UNC93A: variants seen among roughly 807,000 people sequenced by gnomAD.
UNC93A encodes N-acetylglucosamine transporter UNC93A.
A neutral mutation model predicts 47.5 loss-of-function variants in UNC93A; 43 were observed. The ratio of observed to expected loss-of-function variants is 0.91; its 90% CI spans 0.71 to 1.17. UNC93A has a LOEUF of 1.17. Among genes scored for constraint, UNC93A ranks in the 50% most tolerant of loss-of-function variants. The pLI is 0.00. For synonymous variants in UNC93A, 280 were observed against 258.0 expected (o/e 1.09, Z -0.82); for missense variants, 605 against 577.6 (o/e 1.05, Z -0.49).
intron 7 of UNC93A, among the ~76,000 whole-genome samples, chr6:167,312,535 T>TAC (rs1778588094): frequency 6.6e-6 from 1 of 152,240 alleles, no homozygotes; most frequent in Non-Finnish European, 1.5e-5. Flanking sequence ...CTCTACACTT[T>TAC]GGGTCACCAT....
chr6:167,278,575 T>G (rs1203890742), intron 1 of UNC93A, among the ~76,000 whole-genome samples: 2 of 152,222 alleles, frequency 1.3e-5, no homozygotes, highest in Non-Finnish European at 2.9e-5. Context: ...CAGGGTTATC[T>G]GACAAGCAAG....
intron 1 of UNC93A, among the ~76,000 whole-genome samples, chr6:167,277,661 ATCTCTCTGTCTCTTTCTCTTTCTGTC>A (rs369317890): frequency 0.054 from 7,579 of 141,114 alleles, 341 homozygotes; most frequent in African/African-American, 0.13. Context: ...CTGTCTCTCT[ATCTCTCTGTCTCTTTCTCTTTCTGTC>A]TCTCTCTGTC....
At chr6:167,298,245 C>A in intron 4 of UNC93A, 175 bp downstream of exon 4, 2 of 1,018,120 alleles carry the variant, frequency 2.0e-6, no homozygotes, top group Non-Finnish European at 2.7e-6. Context: ...GAATCAAATG[C>A]AGTACACCCG....
At chr6:167,274,851 G>T (rs1378872049) in intron 1 of UNC93A, among the ~76,000 whole-genome samples, 1 of 142,108 alleles carries the variant, frequency 7.0e-6, no homozygotes, top group Non-Finnish European at 1.6e-5. Flanking sequence ...ACTTCTGCAA[G>T]GTCCAAGCTC....
At position 167,276,543 on chromosome 6, in the gene UNC93A, G is replaced by A. The variant is rs116768236; in HGVS notation, c.-52+5085G>A. On this transcript the variant is annotated intron_variant, in intron 1 of 3. Transcript: ENST00000503433. ...TTAGGGGCAAGAGATGTGAGACCCC[G>A]GCAGTTTAGGTGACCTGCTCGAGGA... is the stretch of plus-strand genomic sequence containing the variant. 2.1e-3 allele frequency among the ~76,000 whole-genome samples: 321 copies of A among 152,224 alleles called. 2 individuals carry two copies. The highest frequency in any genetic ancestry group is 6.7e-3 in the African/African-American group (278 of 41,514).
intron 2 of UNC93A, among the ~76,000 whole-genome samples, chr6:167,295,255 T>C (rs1163159489): frequency 6.6e-6 from 1 of 152,196 alleles, no homozygotes; most frequent in Non-Finnish European, 1.5e-5. Flanking sequence ...ACCCTGGTTG[T>C]GCCAGGACAT....
intron 7 of UNC93A, among the ~76,000 whole-genome samples, chr6:167,309,750 T>C (rs971602813): frequency 8.2e-4 from 125 of 152,148 alleles, no homozygotes; most frequent in Non-Finnish European, 1.3e-3. Context: ...GGGTTGCGTA[T>C]CCACAGGACA....
chr6:167,277,997 C>T (rs1438043503), intron 1 of UNC93A, among the ~76,000 whole-genome samples: 5 of 152,262 alleles, frequency 3.3e-5, no homozygotes, highest in South Asian at 4.2e-4. Context: ...TGGGTCAGAG[C>T]GCTTTCTTCT....
chr6:167,286,977 CA>C (rs548370859), upstream of UNC93A, among the ~76,000 whole-genome samples: 2,042 of 109,492 alleles, frequency 0.019, 12 homozygotes, highest in African/African-American at 0.041. Context: ...GACTCTGTCT[CA>C]AAAAAAAAAA....
intron 7 of UNC93A, among the ~76,000 whole-genome samples, chr6:167,313,824 C>T (rs1356902237): frequency 6.6e-6 from 1 of 152,054 alleles, no homozygotes; most frequent in South Asian, 2.1e-4. Context: ...CTAACAGTCA[C>T]CATCAAAAAA....
intron 1 of UNC93A, among the ~76,000 whole-genome samples, chr6:167,281,872 T>G (rs1005875595): frequency 3.3e-5 from 5 of 152,138 alleles, no homozygotes; most frequent in Non-Finnish European, 7.3e-5. Context: ...TGACTTTCCT[T>G]TCAGAGGAGA....
In UNC93A at chr6:167,294,625, G is replaced by C. The variant is rs780878739; in HGVS notation, c.196G>C (p.Gly66Arg). 4 of 1,613,672 alleles carry C rather than the reference G, an allele frequency of 2.5e-6. No individual in the cohort carries two copies. In the East Asian group the frequency reaches 8.9e-5, roughly 36 times the overall value. ...CCCACCGCTCCTCATCGAGAGGCTG[G>C]GCTGCAAGGGGACCATCATCCTCTC... ...FLPPLLIERL[G>R]CKGTIILSMC... Residue 66 changes from glycine (G) to arginine (R), a missense_variant, in exon 2 of 8, where the codon GGC (glycine) becomes CGC (arginine). By Grantham distance (125) the Gly-to-Arg change is moderately radical. Coordinates refer to ENST00000230256, the MANE Select transcript of UNC93A (RefSeq NM_018974.4).
chr6:167,278,861 T>A (rs1038873424), intron 1 of UNC93A, among the ~76,000 whole-genome samples: 1 of 152,180 alleles, frequency 6.6e-6, no homozygotes, highest in Non-Finnish European at 1.5e-5. Context: ...TACAGAATCA[T>A]CTACACGGAT....
chr6:167,291,715 A>G (rs562990076), intron 1 of UNC93A, 139 bp downstream of exon 1: 4 of 771,694 alleles, frequency 5.2e-6, no homozygotes, highest in African/African-American at 3.5e-5. Context: ...AATCCTCTAA[A>G]ACAAACAGTG....
chr6:167,291,034 G>A (rs1478776219), upstream of UNC93A, among the ~76,000 whole-genome samples: 1 of 152,122 alleles, frequency 6.6e-6, no homozygotes. Context: ...TTTATGCTTT[G>A]TTCTTTAAGA....
chr6:167,313,667 A>G (rs1778615818), intron 7 of UNC93A, among the ~76,000 whole-genome samples: 1 of 152,136 alleles, frequency 6.6e-6, no homozygotes, highest in South Asian at 2.1e-4. Context: ...GAATATTTAT[A>G]ATCTGGGTCC....
At chr6:167,308,331 C>T (rs749739284) in intron 7 of UNC93A, among the ~76,000 whole-genome samples, 1 of 152,162 alleles carries the variant, frequency 6.6e-6, no homozygotes, top group Non-Finnish European at 1.5e-5. Flanking sequence ...TTCCAAGGAG[C>T]CCACGGGACG....
upstream of UNC93A, among the ~76,000 whole-genome samples, chr6:167,270,906 C>T (rs1783441045): frequency 6.6e-6 from 1 of 152,186 alleles, no homozygotes; most frequent in African/African-American, 2.4e-5. Flanking sequence ...CAAGAAGTTC[C>T]TGTTGTGGCG....
At chr6:167,286,994 A>G (rs1783747667), upstream of UNC93A, among the ~76,000 whole-genome samples, 1 of 115,698 alleles carries the variant, frequency 8.6e-6, no homozygotes, top group Admixed American at 8.2e-5. Flanking sequence ...AAAAAAAAAA[A>G]AAAAAAAAAA....
Sources: gnomAD v4.1 joint callset for allele counts (sites outside exome capture counted in the v4.1 genomes callset) on GRCh38, gnomAD v4.1.1 for gene constraint, MANE v1.5 for transcripts, NCBI Gene and HGNC (gene_info 2026-07-23, HGNC 2026-07-21) for gene names.